ITGB6: variants seen among roughly 807,000 people sequenced by gnomAD.
ITGB6 encodes the protein integrin subunit beta 6, also known as integrin beta-6.
In ITGB6, 80 loss-of-function variants were observed where a neutral mutation model predicts 84.5. The observed-to-expected ratio is 0.95, with a 90% CI of 0.79 to 1.14. The LOEUF (loss-of-function observed/expected upper bound fraction) is 1.14. Among genes scored for constraint, ITGB6 ranks in the 50% most tolerant of loss-of-function variants. The probability of loss-of-function intolerance (pLI) is 0.00; values close to 1 mark genes in which losing one functional copy is unlikely to be tolerated. For synonymous variants in ITGB6, 383 were observed against 354.9 expected (o/e 1.08, Z -0.89); for missense variants, 1,006 against 968.0 (o/e 1.04, Z -0.52).
intron 9 of ITGB6, 107 bp from the exon 10 acceptor site, chr2:160,137,958 T>A: frequency 1.3e-6 from 2 of 1,529,878 alleles, no homozygotes; most frequent in South Asian, 2.6e-5. Flanking sequence ...AGAAAATCTT[T>A]GAAAATTGCT....
chr2:160,156,065 G>A (rs1005528038), intron 7 of ITGB6, among the ~76,000 whole-genome samples: 1 of 152,198 alleles, frequency 6.6e-6, no homozygotes, highest in Non-Finnish European at 1.5e-5. Context: ...TGGGCCAACA[G>A]AATGTATGAC....
intron 13 of ITGB6, among the ~76,000 whole-genome samples, chr2:160,109,260 T>C (rs946177018): frequency 1.3e-5 from 2 of 152,206 alleles, no homozygotes; most frequent in African/African-American, 4.8e-5. Flanking sequence ...GCTAATGACA[T>C]AGCTATTACT....
chr2:160,170,727 T>C (rs915644972), intron 6 of ITGB6, among the ~76,000 whole-genome samples: 2 of 152,228 alleles, frequency 1.3e-5, no homozygotes, highest in African/African-American at 4.8e-5. Flanking sequence ...CCGGGGGCTA[T>C]GTTGCAGGCA....
At chr2:160,172,983 T>A (rs1685274526) in intron 5 of ITGB6, among the ~76,000 whole-genome samples, 1 of 152,218 alleles carries the variant, frequency 6.6e-6, no homozygotes, top group Non-Finnish European at 1.5e-5. Flanking sequence ...ACAATCGGTA[T>A]GCAGTTAATC....
intron 12 of ITGB6, among the ~76,000 whole-genome samples, chr2:160,119,199 C>G (rs186661711): frequency 0.024 from 3,729 of 152,220 alleles, 146 homozygotes; most frequent in African/African-American, 0.085. Flanking sequence ...AAAGAGCCCG[C>G]GTCACCAAGT....
chr2:160,120,389 C>T (rs1486486686), intron 12 of ITGB6, among the ~76,000 whole-genome samples: 1 of 51,952 alleles, frequency 1.9e-5, no homozygotes, highest in Admixed American at 2.7e-4. Flanking sequence ...AAATTGGAAA[C>T]CATCATTCTC....
chr2:160,107,496 A>C (rs965703346), intron 14 of ITGB6, among the ~76,000 whole-genome samples, 183 bp downstream of exon 14: 1 of 152,166 alleles, frequency 6.6e-6, no homozygotes, highest in African/African-American at 2.4e-5. Flanking sequence ...ATAAGCTATG[A>C]GGGTCATCTG....
chr2:160,135,116 TC>T (rs1320189312), intron 10 of ITGB6, among the ~76,000 whole-genome samples: 1 of 151,224 alleles, frequency 6.6e-6, no homozygotes, highest in East Asian at 1.9e-4. Flanking sequence ...AGTCAAATTG[TC>T]CCTGTTTGCA....
intron 10 of ITGB6, among the ~76,000 whole-genome samples, chr2:160,134,596 CAA>C (rs1683625056): frequency 6.6e-6 from 1 of 152,076 alleles, no homozygotes; most frequent in Non-Finnish European, 1.5e-5. Context: ...GGCAGAGACA[CAA>C]CTAAAAAAGA....
chr2:160,154,561 A>G (rs1433886017), intron 7 of ITGB6, among the ~76,000 whole-genome samples: 10 of 152,194 alleles, frequency 6.6e-5, no homozygotes, highest in African/African-American at 2.4e-4. Context: ...GTGCTTATGT[A>G]CCCTAGAACT....
rs553475841 is a variant in ITGB6, at chr2:160,165,618, C to T, written c.1017+3594G>A. On this transcript the variant is annotated intron_variant, in intron 7 of 14. Transcript: ENST00000283249. ...TTGATTCCTGAAAAATGGAAACTTA[C>T]GTATGGTGGATAATTTCCACAAGCC... 5.3e-4 allele frequency among the ~76,000 whole-genome samples: 80 copies of T among 152,278 alleles called. 1 individual carries two copies. Among genetic ancestry groups the T allele is most frequent in the African/African-American group, 1.9e-3 (80 of 41,548 alleles).
At chr2:160,171,129 T>C (rs904992074) in intron 6 of ITGB6, among the ~76,000 whole-genome samples, 41 of 152,134 alleles carry the variant, frequency 2.7e-4, no homozygotes, top group Non-Finnish European at 1.6e-4. Context: ...AATGAACTGT[T>C]AAGAGTTTTT....
At chr2:160,197,369 T>C (rs72996703) in intron 2 of ITGB6, among the ~76,000 whole-genome samples, 1,664 of 152,170 alleles carry the variant, frequency 0.011, 32 homozygotes, top group African/African-American at 0.038. Flanking sequence ...CAGTGAGATG[T>C]AGTCTTTCCC....
intron 4 of ITGB6, among the ~76,000 whole-genome samples, chr2:160,174,879 G>A (rs1356476078): frequency 2.0e-5 from 3 of 152,294 alleles, no homozygotes; most frequent in Admixed American, 2.0e-4. Flanking sequence ...ATAGAGGAGA[G>A]GTTCTCCAAC....
At chr2:160,172,010 T>C (rs767257648) in intron 6 of ITGB6, among the ~76,000 whole-genome samples, 3 of 152,234 alleles carry the variant, frequency 2.0e-5, no homozygotes, top group South Asian at 2.1e-4. Flanking sequence ...TAGGGGTCTA[T>C]TGAGGAGATC....
chr2:160,101,915 A>G (rs1273861663), intron 14 of ITGB6, 81 bp from the exon 15 acceptor site: 4 of 751,306 alleles, frequency 5.3e-6, no homozygotes, highest in Non-Finnish European at 9.2e-6. Flanking sequence ...AAATTGGAAG[A>G]GGAGAGTCAA....
chr2:160,123,281 G>A (rs1447176862), intron 12 of ITGB6, among the ~76,000 whole-genome samples: 1 of 152,136 alleles, frequency 6.6e-6, no homozygotes, highest in Non-Finnish European at 1.5e-5. Flanking sequence ...TCATTGTAAT[G>A]CCCATGTTTG....
chr2:160,180,113 C>CAA (rs34572460), intron 4 of ITGB6, among the ~76,000 whole-genome samples: 280 of 82,088 alleles, frequency 3.4e-3, no homozygotes, highest in African/African-American at 0.011. Flanking sequence ...AACTCCACCT[C>CAA]AAAAAAAAAA....
chr2:160,137,785 G>T lies in ITGB6; in HGVS notation c.1309C>A (p.Pro437Thr), dbSNP rs2305820. 246 of 1,614,138 alleles carry T rather than the reference G, an allele frequency of 1.5e-4. 2 individuals are homozygous for T. In the East Asian group the frequency reaches 5.3e-3, roughly 35 times the overall value. Residue 437 changes from proline to threonine, a missense_variant, in exon 10 of 15, where the codon CCT becomes ACT. By Grantham distance (38) the Pro-to-Thr change is conservative. Transcript: ENST00000283249. ...ERRSRHIIIK[P>T]VGLGDALELL... ...TCCAGGGCATCCCCCAGCCCCACAG[G>T]CTTTATGATAATGTGCCTGCTTCTT...
Sources: gnomAD v4.1 joint callset for allele counts (sites outside exome capture counted in the v4.1 genomes callset) on GRCh38, gnomAD v4.1.1 for gene constraint, MANE v1.5 for transcripts, NCBI Gene and HGNC (gene_info 2026-07-23, HGNC 2026-07-21) for gene names.